SYNDIG1: variants seen among roughly 807,000 people sequenced by gnomAD.
The protein encoded by SYNDIG1 is synapse differentiation-inducing gene protein 1.
In SYNDIG1, 9 loss-of-function variants were observed where a neutral mutation model predicts 19.4. The observed-to-expected ratio is 0.46, with a 90% CI of 0.28 to 0.81. The LOEUF is 0.81. Ranked by LOEUF, SYNDIG1 falls within the 30% of genes least tolerant of loss-of-function variation. The pLI is 0.12. For missense variants in SYNDIG1, 311 were observed against 343.3 expected (o/e 0.91, Z 0.74); for synonymous variants, 141 against 145.9 (o/e 0.97, Z 0.24).
intron 3 of SYNDIG1, among the ~76,000 whole-genome samples, chr20:24,634,151 G>A (rs1372297267): frequency 1.3e-5 from 2 of 152,164 alleles, no homozygotes; most frequent in Non-Finnish European, 2.9e-5. Flanking sequence ...GTCTTTCTGT[G>A]CCTTTATCAA....
At chr20:24,640,017 T>C (rs564447862) in intron 3 of SYNDIG1, among the ~76,000 whole-genome samples, 1 of 152,338 alleles carries the variant, frequency 6.6e-6, no homozygotes, top group African/African-American at 2.4e-5. Flanking sequence ...TGTGCTTAAA[T>C]CTTTATTCTT....
chr20:24,588,363 C>T (rs879857743), intron 3 of SYNDIG1, among the ~76,000 whole-genome samples: 36 of 152,314 alleles, frequency 2.4e-4, no homozygotes, highest in Admixed American at 2.3e-3. Flanking sequence ...AGTAGCATAA[C>T]AGTAGTAATC....
chr20:24,615,320 C>T (rs1389048055), intron 3 of SYNDIG1, among the ~76,000 whole-genome samples: 11 of 152,178 alleles, frequency 7.2e-5, no homozygotes, highest in Non-Finnish European at 1.6e-4. Context: ...CAGAGAACCC[C>T]ACCATCCACC....
intron 2 of SYNDIG1, among the ~76,000 whole-genome samples, chr20:24,548,577 C>T (rs2057638522): frequency 6.6e-6 from 1 of 152,130 alleles, no homozygotes; most frequent in Non-Finnish European, 1.5e-5. Context: ...GAACAGTTGA[C>T]CCAGAGGAAA....
intron 1 of SYNDIG1, among the ~76,000 whole-genome samples, chr20:24,471,023 T>C (rs1009921142): frequency 9.2e-5 from 14 of 151,918 alleles, no homozygotes; most frequent in African/African-American, 3.4e-4. Flanking sequence ...TGGAATCAGT[T>C]GGTGAGGCGT....
At chr20:24,519,137 T>A (rs2056950404) in intron 1 of SYNDIG1, among the ~76,000 whole-genome samples, 1 of 152,196 alleles carries the variant, frequency 6.6e-6, no homozygotes, top group Non-Finnish European at 1.5e-5. Context: ...TACTGATATT[T>A]TTTATGTTTC....
intron 3 of SYNDIG1, among the ~76,000 whole-genome samples, chr20:24,591,280 G>A (rs2058508205): frequency 6.6e-6 from 1 of 152,052 alleles, no homozygotes; most frequent in Non-Finnish European, 1.5e-5. Flanking sequence ...TGTGGTCACA[G>A]CTAGTCATGA....
intron 1 of SYNDIG1, among the ~76,000 whole-genome samples, chr20:24,523,798 T>C (rs919374713): frequency 2.2e-4 from 33 of 152,242 alleles, no homozygotes; most frequent in Admixed American, 2.2e-3. Flanking sequence ...AGCATCCATC[T>C]TAACTTCCAG....
At chr20:24,644,643 A>T (rs1243847817) in intron 3 of SYNDIG1, among the ~76,000 whole-genome samples, 1 of 152,218 alleles carries the variant, frequency 6.6e-6, no homozygotes, top group East Asian at 1.9e-4. Flanking sequence ...TGGAAAGGCC[A>T]CTTGTAGGTG....
chr20:24,583,474 C>T (rs781237972), intron 2 of SYNDIG1, among the ~76,000 whole-genome samples: 15 of 152,202 alleles, frequency 9.9e-5, no homozygotes, highest in Admixed American at 3.3e-4. Context: ...AGGAAGTGAG[C>T]GACTACTCTC....
At chr20:24,619,050 T>C (rs756567310) in intron 3 of SYNDIG1, among the ~76,000 whole-genome samples, 1 of 152,206 alleles carries the variant, frequency 6.6e-6, no homozygotes, top group Non-Finnish European at 1.5e-5. Flanking sequence ...TTACAGTCTC[T>C]TTTGCAGGGC....
At chr20:24,639,996 T>A (rs1447841038) in intron 3 of SYNDIG1, among the ~76,000 whole-genome samples, 3 of 152,190 alleles carry the variant, frequency 2.0e-5, no homozygotes, top group Admixed American at 6.5e-5. Flanking sequence ...CACTACATAT[T>A]TTTTCAGTTT....
At chr20:24,511,577 C>T (rs2056743376) in intron 1 of SYNDIG1, among the ~76,000 whole-genome samples, 1 of 152,108 alleles carries the variant, frequency 6.6e-6, no homozygotes, top group Non-Finnish European at 1.5e-5. Flanking sequence ...GTCTCCTCTG[C>T]CCCCGCCACT....
At chr20:24,510,597 T>C (rs942141533) in intron 1 of SYNDIG1, among the ~76,000 whole-genome samples, 10 of 151,576 alleles carry the variant, frequency 6.6e-5, no homozygotes, top group Non-Finnish European at 1.5e-4. Context: ...AAAAGAAATA[T>C]TTTTCTCTGT....
intron 2 of SYNDIG1, among the ~76,000 whole-genome samples, chr20:24,575,789 G>A (rs1026008965): frequency 3.3e-5 from 5 of 152,094 alleles, no homozygotes; most frequent in African/African-American, 7.2e-5. Flanking sequence ...GCATTGACTC[G>A]CTCATTTTTG....
intron 1 of SYNDIG1, among the ~76,000 whole-genome samples, chr20:24,513,222 C>A (rs891416876): frequency 2.0e-5 from 3 of 152,196 alleles, no homozygotes; most frequent in Non-Finnish European, 2.9e-5. Flanking sequence ...GAGCACCTCT[C>A]CCCCTTCAAA....
At chr20:24,613,978 G>A (rs762529863) in intron 3 of SYNDIG1, among the ~76,000 whole-genome samples, 3 of 152,156 alleles carry the variant, frequency 2.0e-5, no homozygotes, top group Non-Finnish European at 4.4e-5. Context: ...GATCGCCAGC[G>A]GGGTTGGGCA....
At chr20:24,507,103 A>G (rs180917020) in intron 1 of SYNDIG1, among the ~76,000 whole-genome samples, 1 of 152,086 alleles carries the variant, frequency 6.6e-6, no homozygotes, top group Non-Finnish European at 1.5e-5. Flanking sequence ...GCTGGCCAAC[A>G]CACACTTCGT....
intron 3 of SYNDIG1, among the ~76,000 whole-genome samples, chr20:24,638,870 A>C (rs2059343908): frequency 1.3e-5 from 2 of 152,216 alleles, no homozygotes; most frequent in African/African-American, 4.8e-5. Context: ...AGCACACTGC[A>C]CTGTTTAAGA....
Sources: gnomAD v4.1 joint callset for allele counts (sites outside exome capture counted in the v4.1 genomes callset) on GRCh38, gnomAD v4.1.1 for gene constraint, MANE v1.5 for transcripts, NCBI Gene and HGNC (gene_info 2026-07-23, HGNC 2026-07-21) for gene names.